SHISAL1: variants seen among roughly 807,000 people sequenced by gnomAD.
SHISAL1 encodes the protein protein shisa-like-1.
A neutral mutation model predicts 22.6 loss-of-function variants in SHISAL1; 9 were observed. That is an observed-to-expected ratio of 0.40 (90% confidence interval 0.24 to 0.70). The LOEUF (loss-of-function observed/expected upper bound fraction) is 0.70. Among genes scored for constraint, SHISAL1 ranks in the 30% least tolerant of loss-of-function variants. The probability of loss-of-function intolerance (pLI) is 0.39; values close to 1 mark genes in which losing one functional copy is unlikely to be tolerated. For synonymous variants in SHISAL1, 119 were observed against 115.4 expected (o/e 1.03, Z -0.20); for missense variants, 246 against 270.6 (o/e 0.91, Z 0.64).
At chr22:44,275,052 C>A (rs2055230169) in intron 4 of SHISAL1, among the ~76,000 whole-genome samples, 1 of 152,214 alleles carries the variant, frequency 6.6e-6, no homozygotes, top group African/African-American at 2.4e-5. Flanking sequence ...TGCAGCTCAC[C>A]CCTCTGCGGG....
At chr22:44,284,783 A>AT (rs769721766) in intron 4 of SHISAL1, among the ~76,000 whole-genome samples, 5 of 152,084 alleles carry the variant, frequency 3.3e-5, no homozygotes, top group Non-Finnish European at 5.9e-5. Context: ...CATCCCCACC[A>AT]TACTGGAACT....
chr22:44,301,950 T>A (rs2055432762), intron 1 of SHISAL1, among the ~76,000 whole-genome samples: 1 of 151,528 alleles, frequency 6.6e-6, no homozygotes, highest in African/African-American at 2.4e-5. Context: ...GGGTGCAGAG[T>A]TGCAGTTTGG....
In SHISAL1 at chr22:44,300,918, T is replaced by C; in HGVS notation, c.28A>G (p.Asn10Asp). The C allele has an allele frequency of 6.2e-7, 1 of 1,614,114 alleles. No homozygotes were observed. Among genetic ancestry groups the C allele is most frequent in the Non-Finnish European group, 8.5e-7 (1 of 1,180,022 alleles). ...AATGAGAAGAGGACGGCGAGCACGTTCAAGGACTGCTGGCCACAACTGGTC... is the reference window on the plus strand; with the variant it reads ...AATGAGAAGAGGACGGCGAGCACGTCCAAGGACTGCTGGCCACAACTGGTC... MTSCGQQSL[N>D]VLAVLFSLLF... The change falls in exon 2 of 5, where the codon AAC becomes GAC. Residue 10 changes from asparagine (N) to aspartate (D), a missense_variant. Physicochemically the swap from Asn to Asp is conservative, Grantham distance 23. Coordinates refer to ENST00000381176, the MANE Select transcript of SHISAL1 (RefSeq NM_001099294.2).
chr22:44,323,283 ATCC>A, the SHISAL1 span, among the ~76,000 whole-genome samples: 1 of 140,058 alleles, frequency 7.1e-6, no homozygotes, highest in Non-Finnish European at 1.5e-5. Context: ...CCATCCATCC[ATCC>A]ACCTCACCCA....
At position 44,244,894 on chromosome 22, in the gene SHISAL1, G is replaced by GTTGT. The variant is rs1259061710; in HGVS notation, c.*4787_*4790dup. ...AGCTTTTCGGGCCACAACCACCAAA[G>GTTGT]TTGTTTGCGTGCATTTAAGCACCAG... On this transcript the variant is annotated 3_prime_UTR_variant, in exon 5 of 5. Coordinates refer to ENST00000381176, the MANE Select transcript of SHISAL1 (RefSeq NM_001099294.2). 6.6e-6 allele frequency: 1 copy of GTTGT among 152,256 alleles called. No homozygotes were observed. Among genetic ancestry groups the GTTGT allele is most frequent in the Non-Finnish European group, 1.5e-5 (1 of 68,040 alleles). The allele number at this position is 152,256 out of a possible 1,614,324, so 9.4% of individuals were successfully genotyped here. A position where few individuals can be genotyped will look rare whatever the true frequency, so the allele number is the denominator to read the frequency against.
chr22:44,266,528 A>ATGTGTGTGTGTGTG (rs11473448), intron 4 of SHISAL1, among the ~76,000 whole-genome samples: 43 of 108,400 alleles, frequency 4.0e-4, no homozygotes, highest in East Asian at 1.4e-3. Flanking sequence ...GCTTTGGGGT[A>ATGTGTGTGTGTGTG]TGTGTGTGTG....
At chr22:44,252,363 A>T (rs1039027906) in intron 4 of SHISAL1, among the ~76,000 whole-genome samples, 1 of 152,316 alleles carries the variant, frequency 6.6e-6, no homozygotes. Context: ...GAGAAAATAA[A>T]TGTTGTCTAG....
intron 4 of SHISAL1, among the ~76,000 whole-genome samples, chr22:44,274,084 A>G (rs2055223333): frequency 3.0e-5 from 2 of 66,982 alleles, no homozygotes; most frequent in South Asian, 1.1e-3. Context: ...TGTCTCCACT[A>G]AAAATACAAA....
intron 4 of SHISAL1, among the ~76,000 whole-genome samples, chr22:44,264,467 G>C (rs1336904813): frequency 6.6e-6 from 1 of 152,150 alleles, no homozygotes; most frequent in Admixed American, 6.5e-5. Flanking sequence ...AGCTCTGGTG[G>C]CTGGACATAC....
At chr22:44,270,512 T>C (rs1276109772) in intron 4 of SHISAL1, among the ~76,000 whole-genome samples, 7 of 152,058 alleles carry the variant, frequency 4.6e-5, no homozygotes, top group Non-Finnish European at 1.0e-4. Flanking sequence ...TGGGAGGAGC[T>C]GGGCAGTGAA....
chr22:44,258,333 G>A (rs2055098758), intron 4 of SHISAL1, among the ~76,000 whole-genome samples: 2 of 152,176 alleles, frequency 1.3e-5, no homozygotes, highest in South Asian at 2.1e-4. Flanking sequence ...TTAAGTTCAG[G>A]GGTAAATATG....
rs749857684 is a variant in SHISAL1, at chr22:44,244,852, CTTAACT to C, written c.*4827_*4832del. The C allele has an allele frequency of 5.9e-5, 9 of 152,194 alleles. No individual in the cohort carries two copies. Among genetic ancestry groups the C allele is most frequent in the Non-Finnish European group, 8.8e-5 (6 of 68,040 alleles). 9.4% of individuals were successfully genotyped at this position (152,194 alleles called of 1,614,324 possible). On this transcript the variant is annotated 3_prime_UTR_variant, in exon 5 of 5. Coordinates refer to ENST00000381176, the MANE Select transcript of SHISAL1 (RefSeq NM_001099294.2). ...TCACCTCTTCTAGCTTGCCTGACTG[CTTAACT>C]TTAACATTTGAGCTTTTCGGGCCAC... is the stretch of plus-strand genomic sequence containing the variant.
At chr22:44,288,894 G>C (rs933608522) in intron 3 of SHISAL1, among the ~76,000 whole-genome samples, 1 of 152,194 alleles carries the variant, frequency 6.6e-6, no homozygotes, top group African/African-American at 2.4e-5. Context: ...TGTTTTGTAG[G>C]ACTGTCTGCC....
intron 4 of SHISAL1, among the ~76,000 whole-genome samples, chr22:44,266,152 C>T (rs1569211098): frequency 6.6e-6 from 1 of 152,232 alleles, no homozygotes; most frequent in Non-Finnish European, 1.5e-5. Context: ...CATCTCCACC[C>T]ACCTCAGTTT....
intron 4 of SHISAL1, among the ~76,000 whole-genome samples, chr22:44,284,533 A>T (rs1285478095): frequency 6.6e-6 from 1 of 152,160 alleles, no homozygotes; most frequent in Non-Finnish European, 1.5e-5. Flanking sequence ...GCTTGGTATC[A>T]TGATGTCCCT....
At chr22:44,309,422 G>A (rs1601807847) in intron 1 of SHISAL1, among the ~76,000 whole-genome samples, 1 of 152,106 alleles carries the variant, frequency 6.6e-6, no homozygotes, top group East Asian at 1.9e-4. Context: ...AGGGCAGGAA[G>A]TACAGACGAG....
rs1569204758 is a variant in SHISAL1, at chr22:44,248,657, C to T, written c.*1028G>A. The T allele has an allele frequency of 6.6e-6, 1 of 152,338 alleles. No individual in the cohort carries two copies. Among genetic ancestry groups the T allele is most frequent in the Middle Eastern group, 3.4e-3 (1 of 294 alleles). The allele number at this position is 152,338 out of a possible 1,614,324, so 9.4% of individuals were successfully genotyped here. A position where few individuals can be genotyped will look rare whatever the true frequency, so the allele number is the denominator to read the frequency against. On this transcript the variant is annotated 3_prime_UTR_variant, in exon 5 of 5. Coordinates refer to ENST00000381176, the MANE Select transcript of SHISAL1 (RefSeq NM_001099294.2). ...GGGGCAGAGATGAGATCTAACTCAT[C>T]TTTCATTCCCATCACTGCCCAGCAC...
intron 4 of SHISAL1, among the ~76,000 whole-genome samples, chr22:44,258,766 G>A (rs117549213): frequency 0.011 from 1,721 of 152,322 alleles, 26 homozygotes; most frequent in Non-Finnish European, 0.013. Context: ...CACATATAAT[G>A]TTGGGTCAAA....
intron 1 of SHISAL1, among the ~76,000 whole-genome samples, chr22:44,303,381 G>T (rs2055446735): frequency 6.6e-6 from 1 of 152,068 alleles, no homozygotes; most frequent in South Asian, 2.1e-4. Flanking sequence ...GGTGAAGTAG[G>T]GTGGCTCCCT....
Sources: gnomAD v4.1 joint callset for allele counts (sites outside exome capture counted in the v4.1 genomes callset) on GRCh38, gnomAD v4.1.1 for gene constraint, MANE v1.5 for transcripts, NCBI Gene and HGNC (gene_info 2026-07-23, HGNC 2026-07-21) for gene names.